CPSF2: variants seen among roughly 807,000 people sequenced by gnomAD.
The protein encoded by CPSF2 is cleavage and polyadenylation specificity factor subunit 2.
CPSF2 carries 51 observed loss-of-function variants against 84.2 expected under a neutral mutation model. The observed-to-expected ratio is 0.61, with a 90% confidence interval of 0.48 to 0.77. The LOEUF is 0.77. Ranked by LOEUF, CPSF2 falls within the 30% of genes least tolerant of loss-of-function variation. The pLI is 0.00. For missense variants in CPSF2, 641 were observed against 929.4 expected (o/e 0.69, Z 4.03); for synonymous variants, 286 against 311.9 (o/e 0.92, Z 0.87).
rs1370875667 is a variant in CPSF2, at chr14:92,163,447, T to C, written c.*1703T>C. The stretch of plus-strand genomic sequence containing the variant: ...CTTTGGAAAAATTTCACTTAAACTC[T>C]TATTACTGTATAGATTAAGCCCTAT... On this transcript the variant is annotated 3_prime_UTR_variant, in exon 16 of 16. Transcript: ENST00000298875. 6.6e-6 allele frequency: 1 copy of C among 152,636 alleles called. No homozygotes were observed. Among genetic ancestry groups the C allele is most frequent in the African/African-American group, 2.4e-5 (1 of 41,452 alleles). The allele number at this position is 152,636 out of a possible 1,614,324, so 9.5% of individuals were successfully genotyped here.
In CPSF2 at chr14:92,162,221, G is replaced by A. The variant is rs1387879427; in HGVS notation, c.*477G>A. 2 of 152,334 alleles carry A rather than the reference G, an allele frequency of 1.3e-5. No individual in the cohort carries two copies. Among genetic ancestry groups the A allele is most frequent in the Non-Finnish European group, 2.9e-5 (2 of 68,066 alleles). The allele number at this position is 152,334 out of a possible 1,614,324, so 9.4% of individuals were successfully genotyped here. ...TCGAAACTTACTTTTAAAAGCATAC[G>A]TGCTATGACTCTCTCCAGTTTGAAT... On this transcript the variant is annotated 3_prime_UTR_variant, in exon 16 of 16. Transcript: ENST00000298875.
chr14:92,143,423 G>A, intron 9 of CPSF2, 129 bp downstream of exon 9: 2 of 708,882 alleles, frequency 2.8e-6, no homozygotes, highest in Non-Finnish European at 2.3e-6. Context: ...ACTCTTGAGA[G>A]CCAGGAGTGG....
chr14:92,143,318 A>G, intron 9 of CPSF2, 24 bp downstream of exon 9: 1 of 1,452,814 alleles, frequency 6.9e-7, no homozygotes, highest in East Asian at 2.3e-5. Context: ...TGTGAACTTT[A>G]TCTTAAAACT....
intron 14 of CPSF2, among the ~76,000 whole-genome samples, chr14:92,160,445 A>G (rs1703693425): frequency 6.6e-6 from 1 of 152,202 alleles, no homozygotes; most frequent in African/African-American, 2.4e-5. Flanking sequence ...TATGAATCCT[A>G]CATGCATGTC....
intron 2 of CPSF2, among the ~76,000 whole-genome samples, chr14:92,126,778 T>G (rs939637250): frequency 6.6e-6 from 1 of 152,188 alleles, no homozygotes; most frequent in Non-Finnish European, 1.5e-5. Context: ...CACTCCAGCC[T>G]GGGTACCAGA....
At chr14:92,147,925 G>C (rs2069163955) in intron 9 of CPSF2, among the ~76,000 whole-genome samples, 1 of 152,132 alleles carries the variant, frequency 6.6e-6, no homozygotes, top group Non-Finnish European at 1.5e-5. Flanking sequence ...GGAACTTGCT[G>C]TGTTGCCCAA....
intron 9 of CPSF2, among the ~76,000 whole-genome samples, chr14:92,152,182 C>T (rs1363961228): frequency 2.0e-5 from 3 of 151,902 alleles, no homozygotes; most frequent in South Asian, 2.1e-4. Flanking sequence ...CAGGCTGGAG[C>T]GCAATGGTGC....
rs140740709 is a variant in CPSF2 at position 92,130,198 on chromosome 14, A to G, written c.-34-753A>G. 2.0e-3 allele frequency among the ~76,000 whole-genome samples: 298 copies of G among 152,094 alleles called. 2 individuals carry two copies. Among genetic ancestry groups the G allele is most frequent in the African/African-American group, 6.6e-3 (272 of 41,468 alleles). ...ATGTTTTTCAGTTGCTCACATTCCAATGCAAGGGTTCTTAATGTTAAACTC... is the reference window on the plus strand; with the variant it reads ...ATGTTTTTCAGTTGCTCACATTCCAGTGCAAGGGTTCTTAATGTTAAACTC... On this transcript the variant is annotated intron_variant, in intron 2 of 15. Transcript: ENST00000298875.
intron 9 of CPSF2, 50 bp from the exon 10 acceptor site, chr14:92,154,308 C>A (rs2069260713): frequency 7.5e-7 from 1 of 1,326,442 alleles, no homozygotes; most frequent in South Asian, 1.3e-5. Flanking sequence ...TGCTTTAACC[C>A]CCTAATATTA....
Position 92,165,710 on chromosome 14 carries a change from T to C in CPSF2, c.*3966T>C, listed in dbSNP as rs2069435316. ...ATATTTTCTGGATACTAAACCATTA[T>C]ATATTGATTTGCAAGTATTTTATTC... On this transcript the variant is annotated 3_prime_UTR_variant, in exon 16 of 16. Coordinates refer to ENST00000298875, the MANE Select transcript of CPSF2 (RefSeq NM_017437.3). The C allele has an allele frequency of 6.6e-6, 1 of 152,092 alleles. No homozygotes were observed. The highest frequency in any genetic ancestry group is 1.9e-4 in the East Asian group (1 of 5,196). The allele number at this position is 152,092 out of a possible 1,614,324, so 9.4% of individuals were successfully genotyped here.
rs2141480486 is a variant in CPSF2, at chr14:92,157,069, C to A, written c.1595+438C>A. On this transcript the variant is annotated intron_variant, in intron 12 of 15. Transcript: ENST00000298875. The surrounding 1 kb of genome is among the most constrained non-coding windows in gnomAD (Gnocchi z 4.0). ...TGTTGTGATCTGAAGTAGTTAGAAACCTTTTTTCTCCCGCTTTCTACTTAG... is the reference window on the plus strand; with the variant it reads ...TGTTGTGATCTGAAGTAGTTAGAAAACTTTTTTCTCCCGCTTTCTACTTAG... 6.6e-6 allele frequency among the ~76,000 whole-genome samples: 1 copy of A among 152,220 alleles called. No individual in the cohort carries two copies. Among genetic ancestry groups the A allele is most frequent in the East Asian group, 1.9e-4 (1 of 5,186 alleles).
Position 92,157,002 on chromosome 14 carries a change from C to T in CPSF2, c.1595+371C>T, listed in dbSNP as rs1285250686. 2.6e-5 allele frequency among the ~76,000 whole-genome samples: 4 copies of T among 152,078 alleles called. No individual in the cohort carries two copies. Among genetic ancestry groups the T allele is most frequent in the Non-Finnish European group, 5.9e-5 (4 of 68,020 alleles). On this transcript the variant is annotated intron_variant, in intron 12 of 15. Coordinates refer to ENST00000298875, the MANE Select transcript of CPSF2 (RefSeq NM_017437.3). This position sits in a 1 kb window ranked among gnomAD's most constrained non-coding sequence, Gnocchi z 4.0. Reference sequence around the variant, plus strand: ...ACTGCTTGTTTCATAAAATATACTCCTTAACTTAAACATCTCTAAGACCCT... The same window carrying T: ...ACTGCTTGTTTCATAAAATATACTCTTTAACTTAAACATCTCTAAGACCCT...
intron 1 of CPSF2, among the ~76,000 whole-genome samples, chr14:92,123,934 A>T (rs1284246374): frequency 6.6e-6 from 1 of 152,214 alleles, no homozygotes; most frequent in African/African-American, 2.4e-5. Context: ...TGCCTCCTTT[A>T]TAACAAAATA....
At chr14:92,147,788 A>T (rs1423862921) in intron 9 of CPSF2, among the ~76,000 whole-genome samples, 1 of 152,212 alleles carries the variant, frequency 6.6e-6, no homozygotes, top group African/African-American at 2.4e-5. Context: ...CAGTTGCATG[A>T]TCATAGCTCA....
chr14:92,165,850 A>G lies in CPSF2; in HGVS notation c.*4106A>G, dbSNP rs1361738806. The G allele has an allele frequency of 1.7e-5, 1 of 57,862 alleles. No individual in the cohort carries two copies. The highest frequency in any genetic ancestry group is 3.2e-5 in the Non-Finnish European group (1 of 31,262). 3.6% of individuals were successfully genotyped at this position (57,862 alleles called of 1,614,324 possible). ...CCTTCAGTTCTTTGTGCTTGGTTTTATATCTTTTTTTTTTTTTTTTTTTTT... is the reference window on the plus strand; with the variant it reads ...CCTTCAGTTCTTTGTGCTTGGTTTTGTATCTTTTTTTTTTTTTTTTTTTTT... On this transcript the variant is annotated 3_prime_UTR_variant, in exon 16 of 16. Coordinates refer to ENST00000298875, the MANE Select transcript of CPSF2 (RefSeq NM_017437.3).
chr14:92,134,335 C>G lies in CPSF2; in HGVS notation c.395C>G (p.Ser132Cys). The change falls in exon 5 of 16, where the codon TCT becomes TGT. Residue 132 changes from serine (S) to cysteine (C), a missense_variant. Coordinates refer to ENST00000298875, the MANE Select transcript of CPSF2 (RefSeq NM_017437.3). Reference protein sequence around the residue: ...AFDKIQQLKFSQIVNLKGKGH... With the variant: ...AFDKIQQLKFCQIVNLKGKGH... ...GATAAAATACAGCAGCTAAAATTCT[C>G]TCAGATTGTGAATTTGAAAGGTAAA... 6.2e-7 allele frequency: 1 copy of G among 1,611,142 alleles called. No homozygotes were observed. Among genetic ancestry groups the G allele is most frequent in the Non-Finnish European group, 8.5e-7 (1 of 1,178,482 alleles).
intron 6 of CPSF2, among the ~76,000 whole-genome samples, chr14:92,136,045 A>T (rs2068994699): frequency 1.3e-5 from 2 of 152,224 alleles, no homozygotes; most frequent in Admixed American, 1.3e-4. Context: ...TGTAATTACC[A>T]TCTAATATAA....
In CPSF2 at chr14:92,161,729, A is replaced by G. The variant is rs764524817; in HGVS notation, c.2334A>G (p.Gln778=). 15 of 1,577,242 alleles carry G rather than the reference A, an allele frequency of 9.5e-6. No homozygotes were observed. Among genetic ancestry groups the G allele is most frequent in the South Asian group, 7.0e-5 (6 of 85,946 alleles). The stretch of plus-strand genomic sequence containing the variant: ...GGATAAGAGACCTTTTATATGAACA[A>G]TATGCCATTGTATAAAGGACATGAT... ...FYRIRDLLYE[Q]YAIV The change falls in exon 16 of 16, where the codon CAA becomes CAG. Residue 778 remains glutamine (Q), a synonymous_variant. Transcript: ENST00000298875.
chr14:92,140,706 A>G (rs946814328), intron 7 of CPSF2, among the ~76,000 whole-genome samples: 7 of 150,586 alleles, frequency 4.6e-5, no homozygotes, highest in African/African-American at 1.5e-4. Context: ...TGCTGGGATT[A>G]TAGGTGTGAG....
Sources: allele counts gnomAD v4.1 joint callset (sites outside exome capture counted in the v4.1 genomes callset), GRCh38; gene constraint gnomAD v4.1.1; non-coding constraint Gnocchi (gnomAD v3.1); transcripts MANE v1.5; gene names NCBI Gene and HGNC (gene_info 2026-07-23, HGNC 2026-07-21).